GALK2: variants seen among roughly 807,000 people sequenced by gnomAD.
GALK2 encodes N-acetylgalactosamine kinase.
Under a neutral mutation model 52.4 loss-of-function variants are expected in GALK2, and 36 were observed. The observed-to-expected ratio is 0.69, with a 90% CI of 0.53 to 0.91. The LOEUF is 0.91. GALK2 is among the 40% of genes least tolerant of loss of function. The probability of loss-of-function intolerance (pLI) is 0.00; values close to 1 mark genes in which losing one functional copy is unlikely to be tolerated. For missense variants in GALK2, 579 were observed against 559.1 expected (o/e 1.04, Z -0.36); for synonymous variants, 176 against 199.1 (o/e 0.88, Z 0.98).
intron 1 of GALK2, among the ~76,000 whole-genome samples, chr15:49,196,421 G>T (rs2087240697): frequency 6.6e-6 from 1 of 152,088 alleles, no homozygotes; most frequent in South Asian, 2.1e-4. Flanking sequence ...CAGGTAGGAA[G>T]ACCTTTTTGT....
chr15:49,260,565 G>A (rs1429553859), intron 5 of GALK2, among the ~76,000 whole-genome samples: 16 of 147,250 alleles, frequency 1.1e-4, no homozygotes, highest in South Asian at 2.3e-4. Context: ...AAGCTCTTTA[G>A]TTTAATTAGA....
At position 49,249,763 on chromosome 15, in the gene GALK2, C is replaced by T. The variant is rs542508222; in HGVS notation, c.504+10396C>T. Among the ~76,000 whole-genome samples the T allele has an allele frequency of 2.0e-5, 3 of 152,264 alleles. No individual in the cohort carries two copies. In the East Asian group the frequency reaches 5.8e-4, roughly 29 times the overall value. On this transcript the variant is annotated intron_variant, in intron 5 of 9. Transcript: ENST00000560031. ...TATCTGCTAGCTCTAATAAAGAAAT[C>T]AATGTACTTTATGTTCTTAGCTCCC...
At chr15:49,244,932 T>C (rs534905443) in intron 5 of GALK2, among the ~76,000 whole-genome samples, 17 of 152,138 alleles carry the variant, frequency 1.1e-4, no homozygotes, top group African/African-American at 4.1e-4. Context: ...AGAGCTGTTG[T>C]AGGATATGAC....
intron 1 of GALK2, among the ~76,000 whole-genome samples, chr15:49,193,187 A>T (rs2086907870): frequency 6.6e-6 from 1 of 151,360 alleles, no homozygotes; most frequent in African/African-American, 2.4e-5. Context: ...TAGTAGAGAC[A>T]GGGTTTCACC....
chr15:49,189,428 C>A (rs1026496199), intron 1 of GALK2, among the ~76,000 whole-genome samples: 4 of 152,072 alleles, frequency 2.6e-5, no homozygotes, highest in Non-Finnish European at 4.4e-5. Context: ...TCCCAAGACC[C>A]CTCAGTAGAT....
intron 3 of GALK2, among the ~76,000 whole-genome samples, chr15:49,231,308 G>T (rs1445054686): frequency 6.6e-6 from 1 of 152,168 alleles, no homozygotes. Context: ...ACCAAGTCAA[G>T]TGAGAACTGT....
Position 49,292,415 on chromosome 15 carries a change from T to C in GALK2, c.845T>C (p.Met282Thr), listed in dbSNP as rs746020361. The C allele has an allele frequency of 1.2e-6, 2 of 1,614,016 alleles. No homozygotes were observed. Among genetic ancestry groups the C allele is most frequent in the East Asian group, 2.2e-5 (1 of 44,878 alleles). ...AAACTAGGGATTAGTCTAGAAGAAATGCTGTTGGTCACAGAAGATGCCCTT... is the reference window on the plus strand; with the variant it reads ...AAACTAGGGATTAGTCTAGAAGAAACGCTGTTGGTCACAGAAGATGCCCTT... Reference protein sequence around the residue: ...QAKLGISLEEMLLVTEDALHP... With the variant: ...QAKLGISLEETLLVTEDALHP... Residue 282 changes from methionine (M) to threonine (T), a missense_variant, in exon 8 of 10, where the codon ATG becomes ACG. By Grantham distance (81) the Met-to-Thr change is moderately conservative. Coordinates refer to ENST00000560031, the MANE Select transcript of GALK2 (RefSeq NM_002044.4).
At chr15:49,226,533 C>T (rs1020359371) in intron 3 of GALK2, 1 of 151,942 alleles carries the variant, frequency 6.6e-6, no homozygotes, top group African/African-American at 2.4e-5. Flanking sequence ...ATCTGCTATC[C>T]CTCCAAAAGC....
At chr15:49,187,131 G>C (rs902439136) in intron 1 of GALK2, among the ~76,000 whole-genome samples, 18 of 152,192 alleles carry the variant, frequency 1.2e-4, no homozygotes, top group African/African-American at 4.3e-4. Context: ...TTTGGTCACT[G>C]CAGCTATATC....
At chr15:49,259,669 G>A (rs985461274) in intron 5 of GALK2, among the ~76,000 whole-genome samples, 4 of 148,320 alleles carry the variant, frequency 2.7e-5, no homozygotes, top group South Asian at 2.1e-4. Flanking sequence ...ATGCTGGTGC[G>A]CTGCACCCAC....
intron 1 of GALK2, among the ~76,000 whole-genome samples, chr15:49,172,610 A>G (rs1190136444): frequency 6.6e-6 from 1 of 152,236 alleles, no homozygotes; most frequent in Admixed American, 6.5e-5. Context: ...TGCCTCTTCA[A>G]CCTCACAAGG....
chr15:49,251,920 AC>A (rs2091619704), intron 5 of GALK2, among the ~76,000 whole-genome samples: 1 of 152,176 alleles, frequency 6.6e-6, no homozygotes, highest in Non-Finnish European at 1.5e-5. Flanking sequence ...TGTAATATAT[AC>A]ATATGTTTGC....
intron 1 of GALK2, 101 bp downstream of exon 1, chr15:49,170,476 C>T: frequency 1.6e-6 from 2 of 1,229,582 alleles, no homozygotes; most frequent in African/African-American, 1.5e-5. Flanking sequence ...TGCTTTTGGT[C>T]CCGGGGAGCA....
intron 9 of GALK2, among the ~76,000 whole-genome samples, chr15:49,320,879 A>G (rs575956911): frequency 6.6e-6 from 1 of 152,316 alleles, no homozygotes; most frequent in Non-Finnish European, 1.5e-5. Flanking sequence ...AAGTGGAATT[A>G]TTTCTGCAGA....
chr15:49,236,926 T>G (rs2141486941), intron 4 of GALK2, among the ~76,000 whole-genome samples: 1 of 152,344 alleles, frequency 6.6e-6, no homozygotes, highest in East Asian at 1.9e-4. Flanking sequence ...TTCTTAAAGT[T>G]AATGAATTCA....
intron 3 of GALK2, among the ~76,000 whole-genome samples, chr15:49,341,147 T>C (rs1426777238): frequency 6.6e-6 from 1 of 152,238 alleles, no homozygotes; most frequent in Non-Finnish European, 1.5e-5. Context: ...ACCAGTACCA[T>C]GCTGTTTGGG....
chr15:49,246,655 T>C (rs2091365834), intron 5 of GALK2, among the ~76,000 whole-genome samples: 1 of 152,176 alleles, frequency 6.6e-6, no homozygotes, highest in African/African-American at 2.4e-5. Context: ...TTACCCAGAA[T>C]ATGAATTGGA....
intron 2 of GALK2, among the ~76,000 whole-genome samples, chr15:49,212,337 C>T (rs752722201): frequency 4.6e-5 from 7 of 151,750 alleles, no homozygotes; most frequent in African/African-American, 1.5e-4. Context: ...GTGATCTGCC[C>T]ACCTTGGCCT....
At chr15:49,228,860 G>A (rs2090344150) in intron 3 of GALK2, among the ~76,000 whole-genome samples, 2 of 149,510 alleles carry the variant, frequency 1.3e-5, no homozygotes, top group African/African-American at 4.9e-5. Context: ...ACACCTGGCT[G>A]ATTTTTGTAT....
Sources: allele counts gnomAD v4.1 joint callset (sites outside exome capture counted in the v4.1 genomes callset), GRCh38; gene constraint gnomAD v4.1.1; transcripts MANE v1.5; gene names NCBI Gene and HGNC (gene_info 2026-07-23, HGNC 2026-07-21).